UPB1: variants seen among roughly 807,000 people sequenced by gnomAD.
The protein encoded by UPB1 is beta-ureidopropionase 1.
UPB1 carries 40 observed loss-of-function variants against 49.1 expected under a neutral mutation model. That is an observed-to-expected ratio of 0.81 (90% CI 0.63 to 1.06). The LOEUF is 1.06. Ranked by LOEUF, UPB1 falls within the 50% of genes least tolerant of loss-of-function variation. The probability of loss-of-function intolerance (pLI) is 0.00; values close to 1 mark genes in which losing one functional copy is unlikely to be tolerated. For missense variants in UPB1, 499 were observed against 505.9 expected (o/e 0.99, Z 0.13); for synonymous variants, 207 against 198.2 (o/e 1.04, Z -0.38).
chr22:24,501,930 G>T (rs975119322), intron 2 of UPB1, among the ~76,000 whole-genome samples, 196 bp from the exon 3 acceptor site: 8 of 152,176 alleles, frequency 5.3e-5, no homozygotes, highest in Non-Finnish European at 8.8e-5. Flanking sequence ...CCAAGTGTCT[G>T]ACCCCAGAGC....
rs1394529189 is a variant in UPB1, at chr22:24,527,964, CAAA to C, written c.*2173_*2175del. On this transcript the variant is annotated 3_prime_UTR_variant, in exon 10 of 10. Coordinates refer to ENST00000326010, the MANE Select transcript of UPB1 (RefSeq NM_016327.3). The stretch of plus-strand genomic sequence containing the variant: ...TGAAACCCCATCTCTACTAAAAATA[CAAA>C]AATTAGCTGGGTATGGTGGCGCACG... 2 of 152,152 alleles carry C rather than the reference CAAA, an allele frequency of 1.3e-5. No homozygotes were observed. Among genetic ancestry groups the C allele is most frequent in the Non-Finnish European group, 2.9e-5 (2 of 68,048 alleles). 9.4% of individuals were successfully genotyped at this position (152,152 alleles called of 1,614,324 possible). A position where few individuals can be genotyped will look rare whatever the true frequency, so the allele number is the denominator to read the frequency against.
intron 3 of UPB1, among the ~76,000 whole-genome samples, chr22:24,504,373 A>ATTGTT (rs2044046945): frequency 6.6e-6 from 1 of 152,218 alleles, no homozygotes; most frequent in African/African-American, 2.4e-5. Flanking sequence ...GTTTGAACAC[A>ATTGTT]TTGTTCCATT....
rs1280735648 is a variant in UPB1, at chr22:24,500,250, T to A, written c.248T>A (p.Leu83His). 6.2e-7 allele frequency: 1 copy of A among 1,614,138 alleles called. No homozygotes were observed. Among genetic ancestry groups the A allele is most frequent in the Non-Finnish European group, 8.5e-7 (1 of 1,180,032 alleles). The change falls in exon 2 of 10, where the codon CTC becomes CAC. Residue 83 changes from leucine to histidine, a missense_variant. Coordinates refer to ENST00000326010, the MANE Select transcript of UPB1 (RefSeq NM_016327.3). ...GGGCTGGTTCAGAACAGAATCCCCC[T>A]CCCCGCAAATGCCCCTGTGGCAGAA... ...HVGLVQNRIP[L>H]PANAPVAEQV...
chr22:24,500,410 C>A, intron 2 of UPB1, 132 bp downstream of exon 2: 1 of 1,227,870 alleles, frequency 8.1e-7, no homozygotes. Context: ...AGCAGAGGCG[C>A]TTCTGCCCTG....
At chr22:24,522,787 A>G (rs999215890) in intron 8 of UPB1, among the ~76,000 whole-genome samples, 2 of 149,566 alleles carry the variant, frequency 1.3e-5, no homozygotes, top group Non-Finnish European at 3.0e-5. Context: ...AAAAAAAAAT[A>G]CAAAAAATTA....
chr22:24,515,935 C>T (rs2044286402), intron 6 of UPB1, among the ~76,000 whole-genome samples: 1 of 152,172 alleles, frequency 6.6e-6, no homozygotes, highest in African/African-American at 2.4e-5. Context: ...AAGATGGCAC[C>T]ACTGCACTCC....
At chr22:24,507,128 G>C (rs1186718433) in intron 3 of UPB1, among the ~76,000 whole-genome samples, 2 of 152,238 alleles carry the variant, frequency 1.3e-5, no homozygotes, top group Non-Finnish European at 2.9e-5. Context: ...GTTTACATTA[G>C]AGTGGTTGTG....
intron 6 of UPB1, among the ~76,000 whole-genome samples, chr22:24,518,584 T>C (rs1412856597): frequency 1.3e-5 from 2 of 152,188 alleles, no homozygotes; most frequent in Non-Finnish European, 2.9e-5. Context: ...GAACCATCCA[T>C]CCCCTTTTCT....
In UPB1 at chr22:24,498,866, C is replaced by T. The variant is rs376387296; in HGVS notation, c.105-1241C>T. Among the ~76,000 whole-genome samples the T allele has an allele frequency of 2.4e-4, 36 of 152,330 alleles. No individual in the cohort carries two copies. The Middle Eastern group carries it at 0.014, about 58-fold the overall frequency. ...GCCTTCGAGGGAATAGACACATAAG[C>T]CTTGCTCCTTTTTCTCCTGGTGTCT... On this transcript the variant is annotated intron_variant, in intron 1 of 9. Coordinates refer to ENST00000326010, the MANE Select transcript of UPB1 (RefSeq NM_016327.3).
intron 1 of UPB1, among the ~76,000 whole-genome samples, chr22:24,497,754 T>C (rs1236258764): frequency 1.3e-5 from 2 of 152,316 alleles, no homozygotes; most frequent in African/African-American, 4.8e-5. Flanking sequence ...ATTGATGTTT[T>C]AGTACTTTTG....
intron 9 of UPB1, 45 bp downstream of exon 9, chr22:24,523,818 C>G (rs373070272): frequency 1.2e-6 from 2 of 1,612,760 alleles, no homozygotes; most frequent in East Asian, 2.2e-5. Context: ...TCTGCTTTGG[C>G]CCTCATCCTG....
chr22:24,514,015 G>A (rs984799925), intron 5 of UPB1, among the ~76,000 whole-genome samples: 1 of 152,164 alleles, frequency 6.6e-6, no homozygotes, highest in Admixed American at 6.5e-5. Context: ...ATGTGCCCAT[G>A]ATCAGGGCAT....
At chr22:24,502,509 C>T (rs775193542) in intron 3 of UPB1, 2 of 780,228 alleles carry the variant, frequency 2.6e-6, no homozygotes, top group Middle Eastern at 4.5e-4. Context: ...TAATTCCCTC[C>T]AGCTGGTCTC....
intron 6 of UPB1, among the ~76,000 whole-genome samples, chr22:24,518,723 G>A (rs879121683): frequency 2.6e-5 from 4 of 152,196 alleles, no homozygotes; most frequent in Admixed American, 2.6e-4. Context: ...GAATGCTTTT[G>A]ATTAGGTTAT....
intron 3 of UPB1, among the ~76,000 whole-genome samples, chr22:24,504,478 A>G (rs2044049186): frequency 6.6e-6 from 1 of 152,050 alleles, no homozygotes; most frequent in Non-Finnish European, 1.5e-5. Context: ...AGACTGTAGG[A>G]GTTTCTCTTT....
chr22:24,521,580 G>T (rs1018226989), intron 7 of UPB1, among the ~76,000 whole-genome samples: 1 of 152,188 alleles, frequency 6.6e-6, no homozygotes, highest in African/African-American at 2.4e-5. Flanking sequence ...ATTAGGTTCT[G>T]GAGGAAATAC....
At chr22:24,518,178 G>C (rs1248144555) in intron 6 of UPB1, 3 of 152,148 alleles carry the variant, frequency 2.0e-5, no homozygotes, top group African/African-American at 7.2e-5. Context: ...ACAGGGAAAG[G>C]CAATGCATGT....
At chr22:24,521,591 T>C (rs962847259) in intron 7 of UPB1, among the ~76,000 whole-genome samples, 3 of 152,230 alleles carry the variant, frequency 2.0e-5, no homozygotes, top group Non-Finnish European at 4.4e-5. Context: ...GAGGAAATAC[T>C]GAAAGCAGTG....
intron 6 of UPB1, chr22:24,518,047 C>T (rs2044327049): frequency 6.6e-6 from 1 of 152,292 alleles, no homozygotes; most frequent in African/African-American, 2.4e-5. Flanking sequence ...CACCTGTAGT[C>T]CCAGCTACTT....
Sources: allele counts gnomAD v4.1 joint callset (sites outside exome capture counted in the v4.1 genomes callset), GRCh38; gene constraint gnomAD v4.1.1; transcripts MANE v1.5; gene names NCBI Gene and HGNC (gene_info 2026-07-23, HGNC 2026-07-21).